Variants in ZBTB7C observed in about 807,000 individuals in gnomAD.
The protein encoded by ZBTB7C is zinc finger and BTB domain-containing protein 7C.
In ZBTB7C, 8 loss-of-function variants were observed where a neutral mutation model predicts 25.7. The ratio of observed to expected loss-of-function variants is 0.31; its 90% confidence interval spans 0.18 to 0.56. The LOEUF is 0.56. Ranked by LOEUF, ZBTB7C falls within the 20% of genes least tolerant of loss-of-function variation. The probability of loss-of-function intolerance (pLI) is 0.91; values close to 1 mark genes in which losing one functional copy is unlikely to be tolerated. For missense variants in ZBTB7C, 824 were observed against 855.2 expected (o/e 0.96, Z 0.46); for synonymous variants, 394 against 369.0 (o/e 1.07, Z -0.78).
chr18:48,190,638 A>G (rs2042171157), intron 2 of ZBTB7C, among the ~76,000 whole-genome samples: 2 of 152,166 alleles, frequency 1.3e-5, no homozygotes, highest in Admixed American at 1.3e-4. Flanking sequence ...GCCACTAGAC[A>G]GGATGGTTTG....
At chr18:48,117,235 C>A (rs1270709924) in intron 3 of ZBTB7C, among the ~76,000 whole-genome samples, 1 of 152,218 alleles carries the variant, frequency 6.6e-6, no homozygotes, top group East Asian at 1.9e-4. Flanking sequence ...CTATCATTAT[C>A]TGAAATTTAG....
intron 2 of ZBTB7C, among the ~76,000 whole-genome samples, chr18:48,226,477 T>G (rs573491003): frequency 2.6e-5 from 4 of 152,238 alleles, no homozygotes; most frequent in African/African-American, 4.8e-5. Flanking sequence ...CTGGAAGGAA[T>G]GGACTGTAGA....
At chr18:48,326,124 C>G (rs547165821) in intron 2 of ZBTB7C, among the ~76,000 whole-genome samples, 6 of 127,870 alleles carry the variant, frequency 4.7e-5, no homozygotes, top group African/African-American at 1.8e-4. Context: ...GAGATGGAGT[C>G]TTGCTCTGTC....
intron 2 of ZBTB7C, among the ~76,000 whole-genome samples, chr18:48,315,429 G>T (rs1294672261): frequency 6.6e-6 from 1 of 152,176 alleles, no homozygotes; most frequent in African/African-American, 2.4e-5. Context: ...AGGGACTCAT[G>T]ATGTCCAAGG....
intron 3 of ZBTB7C, among the ~76,000 whole-genome samples, chr18:48,146,166 T>C (rs1311500137): frequency 1.3e-5 from 2 of 152,216 alleles, no homozygotes; most frequent in Non-Finnish European, 2.9e-5. Flanking sequence ...TTGTGAAATT[T>C]TGATAAACAA....
At chr18:48,359,659 G>A (rs1386120121) in intron 1 of ZBTB7C, among the ~76,000 whole-genome samples, 1 of 152,204 alleles carries the variant, frequency 6.6e-6, no homozygotes, top group Non-Finnish European at 1.5e-5. Flanking sequence ...TGTTAGTTCT[G>A]CGATGTCACT....
At chr18:48,110,124 C>T (rs2039182950) in intron 3 of ZBTB7C, among the ~76,000 whole-genome samples, 1 of 152,226 alleles carries the variant, frequency 6.6e-6, no homozygotes, top group African/African-American at 2.4e-5. Context: ...ATGATTATGA[C>T]CATTGTCATC....
At chr18:48,105,156 A>C (rs1185567931) in intron 3 of ZBTB7C, among the ~76,000 whole-genome samples, 5 of 152,202 alleles carry the variant, frequency 3.3e-5, no homozygotes, top group African/African-American at 1.2e-4. Context: ...AAGCCACCCC[A>C]TGACCCCCAA....
At chr18:48,376,240 C>T (rs9964256) in intron 1 of ZBTB7C, among the ~76,000 whole-genome samples, 102,362 of 152,204 alleles carry the variant, frequency 0.67, 34,874 homozygotes, top group East Asian at 0.95. Flanking sequence ...TATGTCCATT[C>T]GCATTTTAAA....
chr18:48,077,758 G>A (rs1284893125), intron 3 of ZBTB7C, among the ~76,000 whole-genome samples: 2 of 152,102 alleles, frequency 1.3e-5, no homozygotes, highest in African/African-American at 4.8e-5. Flanking sequence ...TCTGAGTTGG[G>A]TCTTATCATC....
chr18:48,309,894 G>A (rs1260851061), intron 2 of ZBTB7C, among the ~76,000 whole-genome samples: 1 of 152,190 alleles, frequency 6.6e-6, no homozygotes, highest in Admixed American at 6.5e-5. Context: ...GTTCTGGTAA[G>A]AGTTGCAAAT....
rs988863500 is a variant in ZBTB7C at position 48,239,962 on chromosome 18, A to T, written c.-78-53967T>A. On this transcript the variant is annotated intron_variant, in intron 2 of 4. Transcript: ENST00000590800. ...GTGAAAACCAACTTAAAGAAATTTTAAAAATAATATAAGATATGGACAAAA... is the reference window on the plus strand; with the variant it reads ...GTGAAAACCAACTTAAAGAAATTTTTAAAATAATATAAGATATGGACAAAA... Among the ~76,000 whole-genome samples, 13 of 152,136 alleles carry T rather than the reference A, an allele frequency of 8.5e-5. 1 individual carries two copies. The highest frequency in any genetic ancestry group is 1.5e-5 in the Non-Finnish European group (1 of 68,012).
intron 3 of ZBTB7C, among the ~76,000 whole-genome samples, chr18:48,051,715 G>A (rs2036693821): frequency 6.6e-6 from 1 of 152,146 alleles, no homozygotes; most frequent in South Asian, 2.1e-4. Flanking sequence ...GGGGCTGCCT[G>A]GCCTCAGTCA....
At chr18:48,351,887 T>C (rs2046870771) in intron 1 of ZBTB7C, among the ~76,000 whole-genome samples, 1 of 152,120 alleles carries the variant, frequency 6.6e-6, no homozygotes, top group Admixed American at 6.5e-5. Context: ...TGACAGAGCA[T>C]GGAGGGGGCT....
chr18:48,294,202 G>A (rs929768365), intron 2 of ZBTB7C, among the ~76,000 whole-genome samples: 1 of 152,238 alleles, frequency 6.6e-6, no homozygotes, highest in Non-Finnish European at 1.5e-5. Flanking sequence ...GCACATGCCA[G>A]CCTGGAATTT....
At position 48,367,190 on chromosome 18, in the gene ZBTB7C, T is replaced by C. The variant is rs1229060203; in HGVS notation, c.-303-28792A>G. On this transcript the variant is annotated intron_variant, in intron 1 of 4. Coordinates refer to ENST00000590800, the MANE Select transcript of ZBTB7C (RefSeq NM_001318841.2). ...TCCCCAAGTTTTATATATATATATATATATATATATATACACACACACACA... is the reference window on the plus strand; with the variant it reads ...TCCCCAAGTTTTATATATATATATACATATATATATATACACACACACACA... 3.8e-3 allele frequency among the ~76,000 whole-genome samples: 259 copies of C among 68,546 alleles called. 14 individuals are homozygous for C. The highest frequency in any genetic ancestry group is 0.014 in the African/African-American group (232 of 16,866). 45.0% of individuals were successfully genotyped at this position (68,546 alleles called of 152,430 possible).
intron 3 of ZBTB7C, among the ~76,000 whole-genome samples, chr18:48,115,517 C>T (rs998306287): frequency 3.4e-4 from 52 of 152,154 alleles, no homozygotes; most frequent in Admixed American, 2.9e-3. Flanking sequence ...GGATTACAGG[C>T]GTGAGCCACC....
At chr18:48,369,051 T>C (rs185905242) in intron 1 of ZBTB7C, among the ~76,000 whole-genome samples, 488 of 152,338 alleles carry the variant, frequency 3.2e-3, no homozygotes, top group African/African-American at 0.011. Context: ...CTTTCTCCTC[T>C]TGAGTTTCTA....
rs569410739 is a variant in ZBTB7C, at chr18:48,394,531, G to A, written c.-304+14695C>T. ...TTTAATCATCTGTAGTAAGACCATAGTACATTGCACCATGTGTATGATATA... is the reference window on the plus strand; with the variant it reads ...TTTAATCATCTGTAGTAAGACCATAATACATTGCACCATGTGTATGATATA... On this transcript the variant is annotated intron_variant, in intron 1 of 4. Transcript: ENST00000590800. Among the ~76,000 whole-genome samples, 36 of 152,288 alleles carry A rather than the reference G, an allele frequency of 2.4e-4. No individual in the cohort carries two copies. The South Asian group carries it at 7.3e-3, about 31-fold the overall frequency.
Sources: allele counts gnomAD v4.1 joint callset (sites outside exome capture counted in the v4.1 genomes callset), GRCh38; gene constraint gnomAD v4.1.1; transcripts MANE v1.5; gene names NCBI Gene and HGNC (gene_info 2026-07-23, HGNC 2026-07-21).